Variants in TMEM255A observed in about 807,000 individuals in gnomAD.
TMEM255A encodes family with sequence similarity 70, member A.
A neutral mutation model predicts 23.5 loss-of-function variants in TMEM255A; 14 were observed. The observed-to-expected ratio is 0.60, with a 90% CI of 0.39 to 0.93. TMEM255A has a LOEUF of 0.93. TMEM255A is among the 40% of genes least tolerant of loss of function. TMEM255A has a pLI of 0.00. For synonymous variants in TMEM255A, 104 were observed against 100.3 expected (o/e 1.04, Z -0.22); for missense variants, 233 against 261.7 (o/e 0.89, Z 0.76).
the TMEM255A span, among the ~76,000 whole-genome samples, chrX:120,251,649 G>A: frequency 8.9e-6 from 1 of 111,977 alleles, no homozygotes; most frequent in Admixed American, 9.4e-5. Context: ...CTCCCTCGCG[G>A]ATGGCTTTTA....
chrX:120,284,317 G>C (rs944900705), intron 6 of TMEM255A, among the ~76,000 whole-genome samples: 1 of 112,217 alleles, frequency 8.9e-6, no homozygotes, highest in African/African-American at 3.2e-5. Flanking sequence ...AGTGCACAGA[G>C]CCAGAGTGGC....
intron 4 of TMEM255A, among the ~76,000 whole-genome samples, chrX:120,288,285 C>A (rs782765770): frequency 8.9e-6 from 1 of 111,884 alleles, no homozygotes; most frequent in Non-Finnish European, 1.9e-5. Context: ...GGTTCTAGGA[C>A]TTTCCATCAG....
intron 1 of TMEM255A, among the ~76,000 whole-genome samples, chrX:120,304,923 A>G (rs914548798): frequency 8.9e-6 from 1 of 112,121 alleles, no homozygotes; most frequent in Non-Finnish European, 1.9e-5. Context: ...GATTTTTTTC[A>G]TAAGCTAGAG....
chrX:120,282,937 G>A (rs1211373021), intron 6 of TMEM255A, among the ~76,000 whole-genome samples: 1 of 110,861 alleles, frequency 9.0e-6, no homozygotes, highest in East Asian at 2.8e-4. Context: ...GCCCAGTTCT[G>A]GCCAGCTCCC....
chrX:120,299,133 A>G (rs1556025467), intron 2 of TMEM255A, among the ~76,000 whole-genome samples: 1 of 111,278 alleles, frequency 9.0e-6, no homozygotes, highest in East Asian at 2.8e-4. Context: ...TATCCAGCAA[A>G]TCAAGATTCA....
Position 120,304,424 on chromosome X carries a change from T to C in TMEM255A, c.126A>G (p.Leu42=). ...TTGCAGCAAGGCCCACTGTGAGAATTAACACGGACACAATAAGCAAAGTCA... is the reference window on the plus strand; with the variant it reads ...TTGCAGCAAGGCCCACTGTGAGAATCAACACGGACACAATAAGCAAAGTCA... ...VTVTLLIVSV[L]ILTVGLAATT... is the part of the protein sequence containing the mutation. Residue 42 remains leucine, a synonymous_variant, in exon 2 of 9, where the codon TTA becomes TTG. Coordinates refer to ENST00000371369, the MANE Select transcript of TMEM255A (RefSeq NM_001104544.3). 1 of 1,210,613 alleles carries C rather than the reference T, an allele frequency of 8.3e-7. No individual in the cohort carries two copies. Among genetic ancestry groups the C allele is most frequent in the Non-Finnish European group, 1.1e-6 (1 of 894,550 alleles).
At chrX:120,291,197 T>G in intron 4 of TMEM255A, 54 bp downstream of exon 4, 1 of 950,566 alleles carries the variant, frequency 1.1e-6, no homozygotes, top group Admixed American at 2.4e-5. Context: ...ACACATTCAG[T>G]GGGGCCTTGT....
chrX:120,274,852 A>G (rs2147188504), intron 7 of TMEM255A, among the ~76,000 whole-genome samples: 1 of 111,929 alleles, frequency 8.9e-6, no homozygotes, highest in East Asian at 2.8e-4. Context: ...CAGGCACCCC[A>G]CAGAGCCTAC....
At chrX:120,294,225 G>C (rs956189404) in intron 2 of TMEM255A, among the ~76,000 whole-genome samples, 174 bp from the exon 3 acceptor site, 3 of 110,112 alleles carry the variant, frequency 2.7e-5, no homozygotes, top group East Asian at 2.9e-4. Flanking sequence ...ACGAGGTCAG[G>C]AGATCGAGAC....
chrX:120,260,830 A>C lies in TMEM255A; in HGVS notation c.*40T>G. 1 of 1,195,807 alleles carries C rather than the reference A, an allele frequency of 8.4e-7. No homozygotes were observed. Among genetic ancestry groups the C allele is most frequent in the Non-Finnish European group, 1.1e-6 (1 of 890,187 alleles). The stretch of plus-strand genomic sequence containing the variant: ...CACACTTCCACTGAAGCAGAAATAC[A>C]AAAGCCACAATAATCTCAATAGCCA... On this transcript the variant is annotated 3_prime_UTR_variant, in exon 9 of 9. Coordinates refer to ENST00000371369, the MANE Select transcript of TMEM255A (RefSeq NM_001104544.3).
chrX:120,291,253 T>C lies in TMEM255A; in HGVS notation c.352A>G (p.Ile118Val). ...IVDGVFAARH[I>V]DLKPLYANRC... ...ACTCAGGACGAAAAAATACTCACAATGTGTCTGGCAGCAAAGACCCCGTCA... is the reference window on the plus strand; with the variant it reads ...ACTCAGGACGAAAAAATACTCACAACGTGTCTGGCAGCAAAGACCCCGTCA... Residue 118 changes from isoleucine (I) to valine (V), a missense_variant and splice_region_variant, in exon 4 of 9, where the codon ATT becomes GTT. Transcript: ENST00000371369. The C allele has an allele frequency of 4.1e-6, 5 of 1,205,125 alleles. No homozygotes were observed. Among genetic ancestry groups the C allele is most frequent in the South Asian group, 1.8e-5 (1 of 56,302 alleles).
chrX:120,300,286 TCTGAACCCTC>T (rs1330756710), intron 2 of TMEM255A, among the ~76,000 whole-genome samples: 1 of 112,075 alleles, frequency 8.9e-6, no homozygotes, highest in Non-Finnish European at 1.9e-5. Context: ...AGAAAGCTCA[TCTGAACCCTC>T]CTGAAATAAA....
At chrX:120,290,147 T>C (rs1448530944) in intron 4 of TMEM255A, among the ~76,000 whole-genome samples, 1 of 111,772 alleles carries the variant, frequency 8.9e-6, no homozygotes, top group Non-Finnish European at 1.9e-5. Context: ...TTAAAAATCA[T>C]TGAATTATAC....
At chrX:120,282,278 G>A (rs1556021054) in intron 6 of TMEM255A, among the ~76,000 whole-genome samples, 1 of 111,423 alleles carries the variant, frequency 9.0e-6, no homozygotes, top group Admixed American at 9.5e-5. Context: ...TGGCCTGGTG[G>A]GACTGTTTCC....
At chrX:120,275,896 G>A (rs2057795044) in intron 7 of TMEM255A, among the ~76,000 whole-genome samples, 1 of 102,961 alleles carries the variant, frequency 9.7e-6, no homozygotes, top group African/African-American at 3.6e-5. Flanking sequence ...GGGCTCAAGT[G>A]ATCCTCCCAC....
At chrX:120,261,614 C>T (rs1274226650) in intron 8 of TMEM255A, among the ~76,000 whole-genome samples, 1 of 111,542 alleles carries the variant, frequency 9.0e-6, no homozygotes, top group Non-Finnish European at 1.9e-5. Context: ...AACTGCTGCC[C>T]CCTCATCCCC....
chrX:120,301,119 A>T lies in TMEM255A; in HGVS notation c.201+3230T>A, dbSNP rs188982567. On this transcript the variant is annotated intron_variant, in intron 2 of 8. Coordinates refer to ENST00000371369, the MANE Select transcript of TMEM255A (RefSeq NM_001104544.3). Reference sequence around the variant, plus strand: ...GTATGTCTCTTAGAACGATGATACCACATGCTAGCTCAGGTAGAGTAGCTA... The same window carrying T: ...GTATGTCTCTTAGAACGATGATACCTCATGCTAGCTCAGGTAGAGTAGCTA... Among the ~76,000 whole-genome samples, 429 of 111,475 alleles carry T rather than the reference A, an allele frequency of 3.8e-3. 1 individual carries two copies. The highest frequency in any genetic ancestry group is 0.013 in the African/African-American group (398 of 30,597).
chrX:120,274,220 T>C (rs61141613), intron 7 of TMEM255A, among the ~76,000 whole-genome samples: 2,080 of 111,613 alleles, frequency 0.019, 59 homozygotes, highest in African/African-American at 0.065. Context: ...GGTAAATCCA[T>C]AGGGACAGAC....
Position 120,260,266 on chromosome X carries a change from A to G in TMEM255A, c.*604T>C. ...TTTCCCTTTAGGAGGTACCAATAAC[A>G]AAAGCTGAGCTGAGTGATCACAACA... On this transcript the variant is annotated 3_prime_UTR_variant, in exon 9 of 9. Transcript: ENST00000371369. The G allele has an allele frequency of 1.4e-6, 1 of 722,633 alleles. No individual in the cohort carries two copies. The allele number at this position is 722,633 out of a possible 1,213,427, so 59.6% of individuals were successfully genotyped here. A position where few individuals can be genotyped will look rare whatever the true frequency, so the allele number is the denominator to read the frequency against.
Sources: gnomAD v4.1 joint callset for allele counts (sites outside exome capture counted in the v4.1 genomes callset) on GRCh38, gnomAD v4.1.1 for gene constraint, MANE v1.5 for transcripts, NCBI Gene and HGNC (gene_info 2026-07-23, HGNC 2026-07-21) for gene names.